NRXN3: variants seen among roughly 807,000 people sequenced by gnomAD.
NRXN3 encodes neurexin III.
In NRXN3, 32 loss-of-function variants were observed where a neutral mutation model predicts 137.6. That is an observed-to-expected ratio of 0.23 (90% CI 0.18 to 0.31). The LOEUF is 0.31. Among genes scored for constraint, NRXN3 ranks in the 10% least tolerant of loss-of-function variants. The pLI, the probability that NRXN3 is intolerant of heterozygous loss-of-function variation, is 1.00. For missense variants in NRXN3, 1,574 were observed against 2,062.5 expected, an observed-to-expected ratio of 0.76 and a Z score of 4.59; for synonymous variants, 798 against 784.5, an observed-to-expected ratio of 1.02 and a Z score of -0.29.
At chr14:79,347,173 A>C (rs570515497) in intron 15 of NRXN3, among the ~76,000 whole-genome samples, 1 of 152,316 alleles carries the variant, frequency 6.6e-6, no homozygotes, top group East Asian at 1.9e-4. Context: ...TTTCTTTGAA[A>C]TTAAAAAATA....
At position 79,100,569 on chromosome 14, in the gene NRXN3, A is replaced by G. The variant is rs145121041; in HGVS notation, c.3262+112428A>G. Among the ~76,000 whole-genome samples, 7 of 152,194 alleles carry G rather than the reference A, an allele frequency of 4.6e-5. No homozygotes were observed. In the East Asian group the frequency reaches 1.4e-3, roughly 29 times the overall value. ...GTTAATAAATATCAGCTTTACATCA[A>G]GAGTTTAACAGAAACATATTCCTGA... On this transcript the variant is annotated intron_variant, in intron 15 of 20. Coordinates refer to ENST00000335750, the MANE Select transcript of NRXN3 (RefSeq NM_001330195.2).
At chr14:79,691,270 G>C (rs185834147) in intron 17 of NRXN3, among the ~76,000 whole-genome samples, 19 of 152,096 alleles carry the variant, frequency 1.2e-4, no homozygotes, top group African/African-American at 4.3e-4. Flanking sequence ...GATATTTCAT[G>C]CTTGGAAGAA....
At chr14:79,082,023 C>A (rs556690478) in intron 15 of NRXN3, among the ~76,000 whole-genome samples, 1 of 151,774 alleles carries the variant, frequency 6.6e-6, no homozygotes. Flanking sequence ...AATATATAAA[C>A]ATATATGTTT....
At chr14:78,233,564 A>G (rs2065753108) in intron 1 of NRXN3, among the ~76,000 whole-genome samples, 1 of 151,946 alleles carries the variant, frequency 6.6e-6, no homozygotes. Flanking sequence ...CTTCATTTGG[A>G]GGTAATCTGC....
chr14:79,591,763 A>G (rs1432388695), intron 16 of NRXN3, among the ~76,000 whole-genome samples: 9 of 152,158 alleles, frequency 5.9e-5, no homozygotes, highest in African/African-American at 4.8e-5. Context: ...TTCCATTTCT[A>G]CATGGTAGGC....
chr14:79,319,243 A>G (rs2089517987), intron 15 of NRXN3, among the ~76,000 whole-genome samples: 1 of 152,202 alleles, frequency 6.6e-6, no homozygotes, highest in Non-Finnish European at 1.5e-5. Context: ...TCTTCTCTAT[A>G]AAGACAGAAG....
chr14:78,553,633 T>G (rs1336668686), intron 4 of NRXN3, among the ~76,000 whole-genome samples: 1 of 152,246 alleles, frequency 6.6e-6, no homozygotes, highest in Non-Finnish European at 1.5e-5. Context: ...GGAATACTTC[T>G]GATTTAATGG....
At chr14:79,410,093 A>G (rs1453661417) in intron 15 of NRXN3, among the ~76,000 whole-genome samples, 2 of 151,634 alleles carry the variant, frequency 1.3e-5, no homozygotes, top group African/African-American at 4.8e-5. Flanking sequence ...TTATTTGATT[A>G]TTATACTCCA....
At chr14:79,550,547 A>C (rs1940894867) in intron 16 of NRXN3, among the ~76,000 whole-genome samples, 2 of 152,214 alleles carry the variant, frequency 1.3e-5, no homozygotes, top group Non-Finnish European at 2.9e-5. Flanking sequence ...GACACTTGAC[A>C]AATATTTTTC....
At chr14:79,026,974 A>ATTATAATTT (rs1382016490) in intron 15 of NRXN3, among the ~76,000 whole-genome samples, 1 of 2,496 alleles carries the variant, frequency 4.0e-4, no homozygotes, top group African/African-American at 7.2e-4. Flanking sequence ...ATATATATAT[A>ATTATAATTT]TATATATATA....
chr14:79,582,974 C>T (rs1331661417), intron 16 of NRXN3, among the ~76,000 whole-genome samples: 2 of 152,100 alleles, frequency 1.3e-5, no homozygotes, highest in Non-Finnish European at 2.9e-5. Context: ...TCCTTCAGTT[C>T]AATAGCAAAT....
At chr14:79,579,264 T>G (rs1200766855) in intron 16 of NRXN3, among the ~76,000 whole-genome samples, 1 of 150,660 alleles carries the variant, frequency 6.6e-6, no homozygotes, top group Non-Finnish European at 1.5e-5. Flanking sequence ...CTTTCTTTTG[T>G]CATTACAATC....
intron 19 of NRXN3, among the ~76,000 whole-genome samples, chr14:79,784,829 T>G (rs1041298350): frequency 5.3e-5 from 8 of 152,232 alleles, no homozygotes; most frequent in South Asian, 2.1e-4. Context: ...CATGCACATG[T>G]GCACACAGAC....
chr14:79,543,606 G>T (rs1047326725), intron 16 of NRXN3, among the ~76,000 whole-genome samples: 5 of 152,204 alleles, frequency 3.3e-5, no homozygotes, highest in African/African-American at 1.2e-4. Context: ...GCATGACAAG[G>T]TTGGCACAGG....
intron 15 of NRXN3, among the ~76,000 whole-genome samples, chr14:79,290,185 G>C (rs1300881927): frequency 6.6e-6 from 1 of 152,184 alleles, no homozygotes; most frequent in Non-Finnish European, 1.5e-5. Flanking sequence ...TAATGGAAAT[G>C]ATCTGCCTGT....
chr14:79,566,117 G>A (rs1164748569), intron 16 of NRXN3, among the ~76,000 whole-genome samples: 1 of 152,096 alleles, frequency 6.6e-6, no homozygotes, highest in African/African-American at 2.4e-5. Flanking sequence ...ACACCCCTGT[G>A]CTCTAACAAG....
Position 79,069,584 on chromosome 14 carries a change from G to A in NRXN3, c.3262+81443G>A, listed in dbSNP as rs560280459. On this transcript the variant is annotated intron_variant, in intron 15 of 20. Transcript: ENST00000335750. The stretch of plus-strand genomic sequence containing the variant: ...TTTATAAAAAAAAAAAAAGGTCAGA[G>A]AAAATACCACTTTTCTGATGAGTTA... Among the ~76,000 whole-genome samples, 216 of 150,558 alleles carry A rather than the reference G, an allele frequency of 1.4e-3. 1 individual carries two copies. The highest frequency in any genetic ancestry group is 2.5e-3 in the Non-Finnish European group (166 of 67,616).
In NRXN3 at chr14:79,157,831, G is replaced by T. The variant is rs11847769; in HGVS notation, c.3262+169690G>T. On this transcript the variant is annotated intron_variant, in intron 15 of 20. Coordinates refer to ENST00000335750, the MANE Select transcript of NRXN3 (RefSeq NM_001330195.2). The stretch of plus-strand genomic sequence containing the variant: ...AAGGATTACTTATAACAAAAGACTT[G>T]AGAAATATTTTAGGCTTGAGAAGCA... 4.2e-3 allele frequency among the ~76,000 whole-genome samples: 631 copies of T among 151,882 alleles called. 7 individuals are homozygous for T. The highest frequency in any genetic ancestry group is 0.015 in the African/African-American group (602 of 41,506).
At position 79,617,917 on chromosome 14, in the gene NRXN3, C is replaced by CAAAAAAAAAAAAAAAAAAAAAAA. The variant is rs1162153685; in HGVS notation, c.3445-45846_3445-45845insAAAAAAAAAAAAAAAAAAAAAAA. Among the ~76,000 whole-genome samples, 129 of 91,252 alleles carry CAAAAAAAAAAAAAAAAAAAAAAA rather than the reference C, an allele frequency of 1.4e-3. 12 individuals carry two copies. The highest frequency in any genetic ancestry group is 6.6e-3 in the East Asian group (19 of 2,876). The allele number at this position is 91,252 out of a possible 152,430, so 59.9% of individuals were successfully genotyped here. On this transcript the variant is annotated intron_variant, in intron 16 of 20. Coordinates refer to ENST00000335750, the MANE Select transcript of NRXN3 (RefSeq NM_001330195.2). ...TTCAGAGATAGGAGCTGAATAGCAG[C>CAAAAAAAAAAAAAAAAAAAAAAA]AAAAAAAAAAAAAAACATGCTTATG... is the stretch of plus-strand genomic sequence containing the variant.
Sources: gnomAD v4.1 joint callset for allele counts (sites outside exome capture counted in the v4.1 genomes callset) on GRCh38, gnomAD v4.1.1 for gene constraint, MANE v1.5 for transcripts, NCBI Gene and HGNC (gene_info 2026-07-23, HGNC 2026-07-21) for gene names.